WDR59: variants seen among roughly 807,000 people sequenced by gnomAD.
The protein encoded by WDR59 is GATOR2 complex protein WDR59.
Under a neutral mutation model 131.2 loss-of-function variants are expected in WDR59, and 100 were observed. The ratio of observed to expected loss-of-function variants is 0.76; its 90% CI spans 0.65 to 0.90. WDR59 has a LOEUF of 0.90. Among genes scored for constraint, WDR59 ranks in the 40% least tolerant of loss-of-function variants. The pLI is 0.00. For synonymous variants in WDR59, 601 were observed against 466.2 expected (o/e 1.29, Z -3.72); for missense variants, 1,203 against 1,262.2 (o/e 0.95, Z 0.71).
At chr16:74,898,840 G>T (rs1056296969) in intron 18 of WDR59, among the ~76,000 whole-genome samples, 1 of 152,210 alleles carries the variant, frequency 6.6e-6, no homozygotes, top group African/African-American at 2.4e-5. Flanking sequence ...TTCAGCAGTC[G>T]GGTTGGCTGG....
chr16:74,876,992 A>T (rs1964246026), intron 25 of WDR59, among the ~76,000 whole-genome samples: 1 of 151,972 alleles, frequency 6.6e-6, no homozygotes, highest in Admixed American at 6.6e-5. Context: ...AGGGAAGAAG[A>T]ATGACTCTGG....
chr16:74,907,888 A>T (rs763393544), intron 17 of WDR59, among the ~76,000 whole-genome samples: 10 of 152,344 alleles, frequency 6.6e-5, no homozygotes, highest in Admixed American at 1.3e-4. Flanking sequence ...CTGTTGAAGG[A>T]ACTGAAGCTG....
intron 1 of WDR59, among the ~76,000 whole-genome samples, chr16:74,976,553 T>C (rs2034189109): frequency 6.6e-6 from 1 of 151,708 alleles, no homozygotes; most frequent in African/African-American, 2.4e-5. Context: ...GCGATTCTCC[T>C]GCCTCAGCCT....
intron 17 of WDR59, among the ~76,000 whole-genome samples, chr16:74,908,185 A>G (rs139809824): frequency 4.8e-5 from 3 of 62,928 alleles, no homozygotes; most frequent in African/African-American, 2.0e-4. Context: ...TGAGAGGCTG[A>G]GGCAGGTGGA....
chr16:74,918,149 T>A, intron 10 of WDR59, 141 bp from the exon 11 acceptor site: 1 of 720,052 alleles, frequency 1.4e-6, no homozygotes, highest in Non-Finnish European at 2.4e-6. Context: ...CTATTCTAGG[T>A]ACCAGGACTA....
intron 2 of WDR59, among the ~76,000 whole-genome samples, 188 bp from the exon 3 acceptor site, chr16:74,956,798 G>A (rs1156893028): frequency 1.3e-5 from 2 of 152,142 alleles, no homozygotes; most frequent in East Asian, 1.9e-4. Flanking sequence ...GTCACACAAA[G>A]GGAAGAAGTG....
At chr16:74,948,389 C>A (rs1040035644) in intron 6 of WDR59, 130 bp downstream of exon 6, 2 of 875,190 alleles carry the variant, frequency 2.3e-6, no homozygotes, top group Non-Finnish European at 3.7e-6. Context: ...CACTCAGCCA[C>A]GGCGCAGCCC....
intron 18 of WDR59, among the ~76,000 whole-genome samples, chr16:74,897,211 G>C (rs932628185): frequency 6.6e-6 from 1 of 152,182 alleles, no homozygotes. Context: ...CTCAGCCCAA[G>C]TGTCTACTGA....
At position 74,874,354 on chromosome 16, in the gene WDR59, C is replaced by G; in HGVS notation, c.2780G>C (p.Cys927Ser). The change falls in exon 26 of 26, where the codon TGT becomes TCT. Residue 927 changes from cysteine to serine, a missense_variant. Coordinates refer to ENST00000262144, the MANE Select transcript of WDR59 (RefSeq NM_030581.4). The part of the protein sequence containing the change: ...CKGFTFQCAI[C>S]HVAVRGSSNF... ...GGACGATCCCCGCACAGCCACGTGACAGATGGCACACTGGAACGTGAAGCC... is the reference window on the plus strand; with the variant it reads ...GGACGATCCCCGCACAGCCACGTGAGAGATGGCACACTGGAACGTGAAGCC... 1 of 1,614,178 alleles carries G rather than the reference C, an allele frequency of 6.2e-7. No homozygotes were observed. Among genetic ancestry groups the G allele is most frequent in the South Asian group, 1.1e-5 (1 of 91,084 alleles).
intron 18 of WDR59, among the ~76,000 whole-genome samples, chr16:74,903,454 G>T (rs1010663272): frequency 1.3e-5 from 2 of 151,698 alleles, no homozygotes; most frequent in African/African-American, 4.8e-5. Flanking sequence ...TGTATCATCT[G>T]GTCCACTCAG....
At chr16:74,941,861 G>A (rs755387585) in intron 7 of WDR59, among the ~76,000 whole-genome samples, 2 of 152,080 alleles carry the variant, frequency 1.3e-5, no homozygotes, top group Admixed American at 6.6e-5. Flanking sequence ...TCCACTTCTC[G>A]CTTCTCTTCC....
chr16:74,887,559 G>T, intron 23 of WDR59, 124 bp downstream of exon 23: 2 of 934,714 alleles, frequency 2.1e-6, no homozygotes, highest in South Asian at 3.4e-5. Context: ...CCCTATCACA[G>T]TAAATGTAAA....
intron 8 of WDR59, among the ~76,000 whole-genome samples, chr16:74,927,115 G>C (rs560784857): frequency 6.6e-6 from 1 of 152,296 alleles, no homozygotes; most frequent in African/African-American, 2.4e-5. Context: ...GGGAAGAGAT[G>C]AATGCAATCA....
In WDR59 at chr16:74,885,654, G is replaced by T; in HGVS notation, c.2688C>A (p.Ile896=). 1 of 1,613,704 alleles carries T rather than the reference G, an allele frequency of 6.2e-7. No individual in the cohort carries two copies. The highest frequency in any genetic ancestry group is 8.5e-7 in the Non-Finnish European group (1 of 1,179,894). ...VSCPPDPHKG[I]EFGVYCSHCR... is the part of the protein sequence containing the mutation. ...GAAGAGAGAGAAATTCATACTCACC[G>T]ATCCCTTTGTGAGGGTCAGGAGGAC... Residue 896 remains isoleucine (I), a splice_region_variant and synonymous_variant, in exon 25 of 26, where the codon ATC becomes ATA. Coordinates refer to ENST00000262144, the MANE Select transcript of WDR59 (RefSeq NM_030581.4).
intron 4 of WDR59, among the ~76,000 whole-genome samples, chr16:74,950,655 TG>T (rs905809246): frequency 6.6e-6 from 1 of 151,752 alleles, no homozygotes; most frequent in African/African-American, 2.4e-5. Flanking sequence ...AGGGAAAGAG[TG>T]GATCAAGGAA....
intron 25 of WDR59, among the ~76,000 whole-genome samples, chr16:74,877,171 G>C (rs564059323): frequency 1.8e-4 from 28 of 152,258 alleles, no homozygotes; most frequent in African/African-American, 6.7e-4. Flanking sequence ...CTTACTGAAT[G>C]TGCTGATAAG....
intron 6 of WDR59, among the ~76,000 whole-genome samples, chr16:74,943,266 AAT>A: frequency 6.6e-6 from 1 of 151,402 alleles, no homozygotes; most frequent in East Asian, 1.9e-4. Context: ...ATTGTTGAGC[AAT>A]AGTCTTAGAA....
Position 74,981,831 on chromosome 16 carries a change from T to C in WDR59, c.54+3133A>G, listed in dbSNP as rs2034442374. On this transcript the variant is annotated intron_variant, in intron 1 of 25. Transcript: ENST00000262144. ...CCACTATGGTCGGCTAATTTTTGTA[T>C]CTTTAGTAGAGATAGGGTTTCACCA... Among the ~76,000 whole-genome samples, 2 of 141,678 alleles carry C rather than the reference T, an allele frequency of 1.4e-5. 1 individual carries two copies. Among genetic ancestry groups the C allele is most frequent in the African/African-American group, 5.2e-5 (2 of 38,420 alleles). The allele number at this position is 141,678 out of a possible 152,430, so 92.9% of individuals were successfully genotyped here. A position where few individuals can be genotyped will look rare whatever the true frequency, so the allele number is the denominator to read the frequency against.
intron 8 of WDR59, among the ~76,000 whole-genome samples, chr16:74,931,463 G>C (rs528579958): frequency 1.0e-3 from 152 of 152,164 alleles, no homozygotes; most frequent in Non-Finnish European, 1.7e-3. Context: ...TGCCTCCCAA[G>C]TAGCTGGGAC....
Sources: gnomAD v4.1 joint callset for allele counts (sites outside exome capture counted in the v4.1 genomes callset) on GRCh38, gnomAD v4.1.1 for gene constraint, MANE v1.5 for transcripts, NCBI Gene and HGNC (gene_info 2026-07-23, HGNC 2026-07-21) for gene names.